TXK: variants seen among roughly 807,000 people sequenced by gnomAD.
TXK encodes the protein tyrosine-protein kinase TXK.
In TXK, 60 loss-of-function variants were observed where a neutral mutation model predicts 81.0. The observed-to-expected ratio is 0.74, with a 90% CI of 0.60 to 0.92. TXK has a LOEUF of 0.92. Ranked by LOEUF, TXK falls within the 40% of genes least tolerant of loss-of-function variation. The pLI is 0.00. For synonymous variants in TXK, 203 were observed against 210.7 expected (o/e 0.96, Z 0.32); for missense variants, 581 against 638.3 (o/e 0.91, Z 0.97).
intron 8 of TXK, among the ~76,000 whole-genome samples, chr4:48,092,954 A>T (rs1304253006): frequency 5.9e-5 from 9 of 152,212 alleles, no homozygotes; most frequent in Non-Finnish European, 7.3e-5. Flanking sequence ...AGGGAACAGG[A>T]ATGGATGCTC....
chr4:48,073,838 A>T (rs867637652), intron 13 of TXK, 97 bp downstream of exon 13: 20 of 840,140 alleles, frequency 2.4e-5, no homozygotes, highest in South Asian at 9.3e-5. Context: ...AAGACTTTTT[A>T]AAAAATGCTA....
chr4:48,069,314 ATCTTT>A (rs1340419494), intron 14 of TXK, among the ~76,000 whole-genome samples: 5 of 100,370 alleles, frequency 5.0e-5, no homozygotes, highest in African/African-American at 2.1e-4. Context: ...AAATAAATCA[ATCTTT>A]TCTTTTCTTT....
At position 48,122,932 on chromosome 4, in the gene TXK, G is replaced by A. The variant is rs75400077; in HGVS notation, c.17-8530C>T. On this transcript the variant is annotated intron_variant, in intron 1 of 14. Coordinates refer to ENST00000264316, the MANE Select transcript of TXK (RefSeq NM_003328.3). ...ACCTTGGGAGTCTATGTAGTAGGGA[G>A]GCTTCATAGATACTAGAGAACAACT... Among the ~76,000 whole-genome samples the A allele has an allele frequency of 6.6e-3, 1,006 of 152,318 alleles. 7 individuals carry two copies. Among genetic ancestry groups the A allele is most frequent in the Middle Eastern group, 0.024 (7 of 294 alleles).
chr4:48,112,186 C>A, intron 4 of TXK, 121 bp downstream of exon 4: 1 of 918,262 alleles, frequency 1.1e-6, no homozygotes, highest in Non-Finnish European at 1.7e-6. Context: ...TCTCACACAT[C>A]CTGGGGGAGA....
At chr4:48,089,689 G>T in intron 9 of TXK, 61 bp downstream of exon 9, 3 of 1,398,498 alleles carry the variant, frequency 2.1e-6, no homozygotes, top group African/African-American at 2.8e-5. Flanking sequence ...ACCGCACCCA[G>T]CCAGGTAGAT....
At chr4:48,116,574 T>A (rs2109477338) in intron 1 of TXK, among the ~76,000 whole-genome samples, 1 of 152,326 alleles carries the variant, frequency 6.6e-6, no homozygotes, top group South Asian at 2.1e-4. Context: ...AAGGGAAGGT[T>A]ACCAGAACCT....
rs572825674 is a variant in TXK at position 48,076,238 on chromosome 4, T to C, written c.1238+164A>G. Reference sequence around the variant, plus strand: ...ACCTCACAGCTAAAATTGGTACATGTCCCAAAATTCAAAGTGGGTCAGTAG... The same window carrying C: ...ACCTCACAGCTAAAATTGGTACATGCCCCAAAATTCAAAGTGGGTCAGTAG... On this transcript the variant is annotated intron_variant, in intron 12 of 14. Transcript: ENST00000264316. Among the ~76,000 whole-genome samples the C allele has an allele frequency of 1.7e-3, 258 of 152,252 alleles. 1 individual carries two copies. Among genetic ancestry groups the C allele is most frequent in the African/African-American group, 5.9e-3 (245 of 41,554 alleles).
chr4:48,084,388 C>G (rs1577655245), intron 10 of TXK, among the ~76,000 whole-genome samples: 1 of 152,086 alleles, frequency 6.6e-6, no homozygotes, highest in East Asian at 1.9e-4. Flanking sequence ...CCTCAAAGAT[C>G]CTGACCTCAA....
intron 1 of TXK, among the ~76,000 whole-genome samples, chr4:48,123,615 T>C (rs1221287266): frequency 2.0e-5 from 3 of 152,190 alleles, no homozygotes; most frequent in Non-Finnish European, 4.4e-5. Flanking sequence ...GTCCTCACAA[T>C]GACTCTGTGA....
At chr4:48,119,486 A>C (rs1040399773) in intron 1 of TXK, among the ~76,000 whole-genome samples, 2 of 152,020 alleles carry the variant, frequency 1.3e-5, no homozygotes, top group African/African-American at 4.8e-5. Flanking sequence ...GCAAGGACTC[A>C]CCTTTGCACC....
intron 1 of TXK, among the ~76,000 whole-genome samples, chr4:48,128,400 G>A (rs1348764333): frequency 2.6e-5 from 4 of 152,048 alleles, no homozygotes; most frequent in Admixed American, 2.6e-4. Flanking sequence ...GTGGTGAGTG[G>A]GGAAAGCCTT....
intron 1 of TXK, among the ~76,000 whole-genome samples, chr4:48,132,059 AC>A (rs1339782873): frequency 7.4e-6 from 1 of 135,726 alleles, no homozygotes; most frequent in African/African-American, 2.7e-5. Flanking sequence ...TTTTTTTTTT[AC>A]AAAATCTACA....
At chr4:48,073,084 C>T (rs1036778306) in intron 13 of TXK, among the ~76,000 whole-genome samples, 1 of 121,284 alleles carries the variant, frequency 8.2e-6, no homozygotes, top group East Asian at 2.6e-4. Flanking sequence ...GCCACCACAC[C>T]TGGCTAATTT....
chr4:48,088,276 G>A (rs538995799), intron 9 of TXK, among the ~76,000 whole-genome samples: 1 of 152,174 alleles, frequency 6.6e-6, no homozygotes, highest in South Asian at 2.1e-4. Context: ...CTAAACATAT[G>A]CATAGCCTAT....
At chr4:48,115,845 ACT>A (rs1178474343) in intron 1 of TXK, among the ~76,000 whole-genome samples, 1 of 151,784 alleles carries the variant, frequency 6.6e-6, no homozygotes, top group Non-Finnish European at 1.5e-5. Flanking sequence ...ACAGAGTGAG[ACT>A]CTGTCAAAAA....
chr4:48,117,845 C>T (rs1311486580), intron 1 of TXK, among the ~76,000 whole-genome samples: 1 of 152,160 alleles, frequency 6.6e-6, no homozygotes, highest in Admixed American at 6.5e-5. Context: ...CTTTAAAAGG[C>T]CATTCTTCTG....
chr4:48,116,540 C>T (rs150160189), intron 1 of TXK, among the ~76,000 whole-genome samples: 1 of 152,262 alleles, frequency 6.6e-6, no homozygotes, highest in Non-Finnish European at 1.5e-5. Flanking sequence ...TGAGCCATCA[C>T]CACACCTAAC....
intron 2 of TXK, among the ~76,000 whole-genome samples, chr4:48,113,529 T>C (rs1281727149): frequency 6.6e-6 from 1 of 152,244 alleles, no homozygotes; most frequent in African/African-American, 2.4e-5. Context: ...ATAGAGTTGT[T>C]ATAAAATAAA....
intron 6 of TXK, among the ~76,000 whole-genome samples, chr4:48,101,818 AT>A (rs1255683717): frequency 6.6e-6 from 1 of 151,732 alleles, no homozygotes; most frequent in Non-Finnish European, 1.5e-5. Context: ...AGCACAGATA[AT>A]AAAGGAAAAT....
Sources: gnomAD v4.1 joint callset for allele counts (sites outside exome capture counted in the v4.1 genomes callset) on GRCh38, gnomAD v4.1.1 for gene constraint, MANE v1.5 for transcripts, NCBI Gene and HGNC (gene_info 2026-07-23, HGNC 2026-07-21) for gene names.